TXNRD1: variants seen among roughly 807,000 people sequenced by gnomAD.
TXNRD1 encodes the protein thioredoxin reductase 1, cytoplasmic.
In TXNRD1, 57 loss-of-function variants were observed where a neutral mutation model predicts 80.3. That is an observed-to-expected ratio of 0.71 (90% confidence interval 0.57 to 0.89). The LOEUF is 0.89. TXNRD1 is among the 40% of genes least tolerant of loss of function. The probability of loss-of-function intolerance (pLI) is 0.00; values close to 1 mark genes in which losing one functional copy is unlikely to be tolerated. For synonymous variants in TXNRD1, 291 were observed against 285.2 expected (o/e 1.02, Z -0.20); for missense variants, 730 against 803.0 (o/e 0.91, Z 1.10).
At chr12:104,306,722 C>T (rs932561385) in intron 4 of TXNRD1, among the ~76,000 whole-genome samples, 3 of 152,184 alleles carry the variant, frequency 2.0e-5, no homozygotes, top group East Asian at 1.9e-4. Flanking sequence ...TATGAAAGAG[C>T]GCTGACCCTT....
chr12:104,264,455 A>C (rs770567488), intron 3 of TXNRD1, among the ~76,000 whole-genome samples: 2 of 152,176 alleles, frequency 1.3e-5, no homozygotes, highest in African/African-American at 2.4e-5. Flanking sequence ...AGGTTGTTCT[A>C]TTTATTTTAT....
At chr12:104,222,043 C>G (rs2032368845) in intron 1 of TXNRD1, among the ~76,000 whole-genome samples, 1 of 151,980 alleles carries the variant, frequency 6.6e-6, no homozygotes, top group African/African-American at 2.4e-5. Flanking sequence ...GCCAGACCTG[C>G]TTTTTTTCAA....
chr12:104,319,480 A>G lies in TXNRD1; in HGVS notation c.884A>G (p.Asn295Ser). Residue 295 changes from asparagine to serine, a missense_variant, in exon 9 of 17, where the codon AAT (asparagine) becomes AGT (serine). By Grantham distance (46) the Asn-to-Ser change is conservative. Transcript: ENST00000525566. Reference sequence around the variant, plus strand: ...TTGGTTCCTTTGTAGGCAACAAATAATAAAGGCAAAGAAAAAATTTATTCA... The same window carrying G: ...TTGGTTCCTTTGTAGGCAACAAATAGTAAAGGCAAAGAAAAAATTTATTCA... ...IGPHRIKATN[N>S]KGKEKIYSAE... The G allele has an allele frequency of 1.9e-6, 3 of 1,580,892 alleles. 1 individual carries two copies. The South Asian group carries it at 3.5e-5, about 18-fold the overall frequency.
At chr12:104,238,050 TA>T (rs1350788735) in intron 1 of TXNRD1, among the ~76,000 whole-genome samples, 1 of 151,948 alleles carries the variant, frequency 6.6e-6, no homozygotes, top group Non-Finnish European at 1.5e-5. Context: ...AATAAACGCT[TA>T]AATAAAAAAT....
intron 6 of TXNRD1, among the ~76,000 whole-genome samples, chr12:104,313,586 A>T (rs1260203982): frequency 4.6e-5 from 7 of 152,340 alleles, no homozygotes; most frequent in Non-Finnish European, 1.0e-4. Flanking sequence ...TCTAGCATAT[A>T]TAGGGGCTTA....
intron 3 of TXNRD1, among the ~76,000 whole-genome samples, chr12:104,272,929 G>T (rs546497141): frequency 2.6e-5 from 4 of 152,234 alleles, no homozygotes; most frequent in East Asian, 3.9e-4. Context: ...GGCAGAGGTT[G>T]CAGTGAGCCA....
rs778687415 is a variant in TXNRD1, at chr12:104,348,318, C to T, written c.1882-35C>T. 6 of 1,607,406 alleles carry T rather than the reference C, an allele frequency of 3.7e-6. No homozygotes were observed. The Admixed American group carries it at 1.0e-4, about 27-fold the overall frequency. ...TTCCCTGTTACCTCATTTGCTCAGG[C>T]ATCTGAAGATGTTGTGCTTTCTCTT... On this transcript the variant is annotated intron_variant, in intron 16 of 16. Coordinates refer to ENST00000525566, the MANE Select transcript of TXNRD1 (RefSeq NM_001093771.3).
intron 3 of TXNRD1, among the ~76,000 whole-genome samples, chr12:104,275,114 G>A (rs117449629): frequency 0.011 from 1,677 of 151,914 alleles, 19 homozygotes; most frequent in Non-Finnish European, 0.018. Context: ...AGTTGTTTAA[G>A]AAAATTATGT....
chr12:104,276,350 G>A (rs1010396682), intron 3 of TXNRD1, among the ~76,000 whole-genome samples: 2 of 152,168 alleles, frequency 1.3e-5, no homozygotes, highest in South Asian at 2.1e-4. Context: ...AGACAGAGAA[G>A]TGAAAGTAAC....
intron 1 of TXNRD1, among the ~76,000 whole-genome samples, chr12:104,229,334 G>A (rs780951926): frequency 2.4e-4 from 36 of 151,582 alleles, no homozygotes; most frequent in Non-Finnish European, 5.0e-4. Context: ...GTTTTGTAGA[G>A]TCAGGGTTTC....
At chr12:104,267,576 C>T (rs11111963) in intron 3 of TXNRD1, among the ~76,000 whole-genome samples, 101,720 of 150,520 alleles carry the variant, frequency 0.68, 34,567 homozygotes, top group East Asian at 0.85. Context: ...CCTTCCATGA[C>T]CTGCCCCACC....
intron 4 of TXNRD1, among the ~76,000 whole-genome samples, chr12:104,300,166 A>T (rs983761271): frequency 1.1e-4 from 16 of 152,366 alleles, no homozygotes; most frequent in African/African-American, 3.4e-4. Flanking sequence ...TGTGTTGAGC[A>T]GTATGGGTTG....
intron 9 of TXNRD1, among the ~76,000 whole-genome samples, chr12:104,320,059 A>T (rs1178835047): frequency 6.6e-6 from 1 of 152,160 alleles, no homozygotes; most frequent in African/African-American, 2.4e-5. Flanking sequence ...TCTAGACCCT[A>T]CTCAATGCTG....
chr12:104,258,130 C>T (rs2033295944), intron 3 of TXNRD1, 51 bp downstream of exon 3: 1 of 1,305,648 alleles, frequency 7.7e-7, no homozygotes, highest in Non-Finnish European at 1.1e-6. Flanking sequence ...TACATTTTAT[C>T]TCATTTATTC....
intron 1 of TXNRD1, among the ~76,000 whole-genome samples, chr12:104,245,674 T>C (rs1395578639): frequency 1.5e-5 from 2 of 137,280 alleles, no homozygotes; most frequent in African/African-American, 5.5e-5. Flanking sequence ...AAAAAAAGTA[T>C]GGCCATTTGA....
chr12:104,333,022 A>G (rs1258291422), intron 14 of TXNRD1, among the ~76,000 whole-genome samples: 5 of 151,792 alleles, frequency 3.3e-5, no homozygotes, highest in Admixed American at 2.6e-4. Context: ...GCTTAATATT[A>G]ATGTTATGTC....
At chr12:104,335,501 A>G (rs2036108006) in intron 15 of TXNRD1, among the ~76,000 whole-genome samples, 1 of 152,072 alleles carries the variant, frequency 6.6e-6, no homozygotes, top group African/African-American at 2.4e-5. Flanking sequence ...CGCCCGGCCT[A>G]TTACAGTACT....
At chr12:104,312,747 A>T (rs1489344396) in intron 5 of TXNRD1, among the ~76,000 whole-genome samples, 1 of 152,220 alleles carries the variant, frequency 6.6e-6, no homozygotes, top group Non-Finnish European at 1.5e-5. Flanking sequence ...AAATTTTAGG[A>T]AATCTTGTAA....
Position 104,291,183 on chromosome 12 carries a change from T to C in TXNRD1, c.414+2143T>C, listed in dbSNP as rs1438663704. The C allele has an allele frequency of 5.7e-5, 26 of 457,616 alleles. No individual in the cohort carries two copies. In the East Asian group the frequency reaches 9.7e-4, roughly 17 times the overall value. The allele number at this position is 457,616 out of a possible 1,614,324, so 28.3% of individuals were successfully genotyped here. On this transcript the variant is annotated intron_variant, in intron 4 of 16. Transcript: ENST00000525566. ...TTAGCATATTTCTTAAGTAAACTTA[T>C]TCTACTTTGTGTCTTTTTTTTTTTT...
Sources: gnomAD v4.1 joint callset for allele counts (sites outside exome capture counted in the v4.1 genomes callset) on GRCh38, gnomAD v4.1.1 for gene constraint, MANE v1.5 for transcripts, NCBI Gene and HGNC (gene_info 2026-07-23, HGNC 2026-07-21) for gene names.